Variants in ASB15 observed in about 807,000 individuals in gnomAD.
ASB15 encodes ankyrin repeat and SOCS box protein 15.
Under a neutral mutation model 58.0 loss-of-function variants are expected in ASB15, and 54 were observed. The observed-to-expected ratio is 0.93, with a 90% CI of 0.75 to 1.17. ASB15 has a LOEUF of 1.17. Among genes scored for constraint, ASB15 ranks in the 50% most tolerant of loss-of-function variants. The probability of loss-of-function intolerance (pLI) is 0.00; values close to 1 mark genes in which losing one functional copy is unlikely to be tolerated. For synonymous variants in ASB15, 249 were observed against 262.4 expected (o/e 0.95, Z 0.50); for missense variants, 680 against 707.4 (o/e 0.96, Z 0.44).
intron 8 of ASB15, 79 bp downstream of exon 8, chr7:123,624,893 C>T: frequency 1.4e-6 from 2 of 1,466,628 alleles, no homozygotes. Context: ...CACTCTTCCT[C>T]ACCTGAATGT....
rs568880807 is a variant in ASB15 at position 123,638,479 on chromosome 7, T to A, written c.*1498T>A. The A allele has an allele frequency of 3.0e-4, 46 of 152,284 alleles. No homozygotes were observed. The highest frequency in any genetic ancestry group is 2.3e-3 in the South Asian group (11 of 4,822). 9.4% of individuals were successfully genotyped at this position (152,284 alleles called of 1,614,324 possible). ...ACCATCTACTATCACCATCATTTCA[T>A]AAAAGAGGGGTCATTTTAATGCCAG... is the stretch of plus-strand genomic sequence containing the variant. On this transcript the variant is annotated 3_prime_UTR_variant, in exon 12 of 12. Coordinates refer to ENST00000451215, the MANE Select transcript of ASB15 (RefSeq NM_001290258.2).
intron 3 of ASB15, among the ~76,000 whole-genome samples, chr7:123,611,866 G>C (rs1800483679): frequency 6.6e-6 from 1 of 151,980 alleles, no homozygotes; most frequent in Non-Finnish European, 1.5e-5. Context: ...ACCTGTGCTA[G>C]ATTGGCGTTG....
intron 1 of ASB15, among the ~76,000 whole-genome samples, chr7:123,594,315 TC>T (rs1799632017): frequency 6.6e-6 from 1 of 152,142 alleles, no homozygotes; most frequent in Non-Finnish European, 1.5e-5. Flanking sequence ...CCAGTTTTGT[TC>T]CCTTGCTGGC....
intron 11 of ASB15, among the ~76,000 whole-genome samples, chr7:123,635,533 A>G (rs1366815501): frequency 6.7e-6 from 1 of 149,412 alleles, no homozygotes; most frequent in African/African-American, 2.5e-5. Context: ...ATACCATTAT[A>G]CTTCCTGTCA....
At chr7:123,615,003 A>G (rs191095512) in intron 4 of ASB15, among the ~76,000 whole-genome samples, 13 of 152,334 alleles carry the variant, frequency 8.5e-5, no homozygotes, top group Non-Finnish European at 1.3e-4. Context: ...CTACTGATAC[A>G]GCTAACCCTT....
intron 1 of ASB15, among the ~76,000 whole-genome samples, chr7:123,588,879 AT>A (rs917638026): frequency 2.7e-5 from 4 of 148,924 alleles, no homozygotes; most frequent in Admixed American, 2.0e-4. Flanking sequence ...TAATTTTCCC[AT>A]TTTTTTTCTA....
chr7:123,606,664 A>G (rs1377466698), intron 2 of ASB15, among the ~76,000 whole-genome samples: 1 of 152,058 alleles, frequency 6.6e-6, no homozygotes, highest in Non-Finnish European at 1.5e-5. Context: ...TCTTTTTTCT[A>G]TGACTTCAAC....
rs1251909002 is a variant in ASB15, at chr7:123,612,276, G to A, written c.-2-2225G>A. The A allele has an allele frequency of 2.0e-5, 3 of 152,102 alleles. No individual in the cohort carries two copies. The East Asian group carries it at 5.8e-4, about 29-fold the overall frequency. 9.4% of individuals were successfully genotyped at this position (152,102 alleles called of 1,614,324 possible). A position where few individuals can be genotyped will look rare whatever the true frequency, so the allele number is the denominator to read the frequency against. On this transcript the variant is annotated intron_variant, in intron 3 of 11. Transcript: ENST00000451215. ...AATGAGTCAACAACTTTTATTCCAG[G>A]GACCACTGACAGCAGCTGTTTGCAA... is the stretch of plus-strand genomic sequence containing the variant.
intron 1 of ASB15, among the ~76,000 whole-genome samples, chr7:123,578,236 A>C (rs1482117146): frequency 6.6e-6 from 1 of 150,672 alleles, no homozygotes. Flanking sequence ...CTACCTGCTG[A>C]TATTTTGTAT....
At chr7:123,609,766 A>C (rs1057233470) in intron 3 of ASB15, among the ~76,000 whole-genome samples, 1 of 152,232 alleles carries the variant, frequency 6.6e-6, no homozygotes, top group Non-Finnish European at 1.5e-5. Context: ...GACAGGTGTC[A>C]AAAATTTATC....
intron 8 of ASB15, 49 bp downstream of exon 8, chr7:123,624,863 C>T: frequency 6.5e-7 from 1 of 1,548,274 alleles, no homozygotes; most frequent in African/African-American, 1.4e-5. Context: ...GCCTCTCGAA[C>T]TCTCCTTTTC....
rs1364128126 is a variant in ASB15, at chr7:123,639,089, G to T, written c.*2108G>T. On this transcript the variant is annotated 3_prime_UTR_variant, in exon 12 of 12. Transcript: ENST00000451215. ...TAATTATTTAATGCTATTATTCTTAGATTTTAATAGTGTATTTTTCTTATA... is the reference window on the plus strand; with the variant it reads ...TAATTATTTAATGCTATTATTCTTATATTTTAATAGTGTATTTTTCTTATA... 6.6e-6 allele frequency: 1 copy of T among 151,402 alleles called. No homozygotes were observed. Among genetic ancestry groups the T allele is most frequent in the Non-Finnish European group, 1.5e-5 (1 of 67,506 alleles). 9.4% of individuals were successfully genotyped at this position (151,402 alleles called of 1,614,324 possible). A position where few individuals can be genotyped will look rare whatever the true frequency, so the allele number is the denominator to read the frequency against.
At chr7:123,576,302 G>T (rs1234438450) in intron 1 of ASB15, among the ~76,000 whole-genome samples, 3 of 151,310 alleles carry the variant, frequency 2.0e-5, no homozygotes, top group Admixed American at 2.0e-4. Flanking sequence ...TTTTGCATTT[G>T]TACTTTTTAC....
At chr7:123,593,358 T>C (rs1381532952) in intron 1 of ASB15, among the ~76,000 whole-genome samples, 1 of 152,178 alleles carries the variant, frequency 6.6e-6, no homozygotes, top group African/African-American at 2.4e-5. Context: ...TGCAGTTTCT[T>C]CACAGCCTCG....
At chr7:123,598,348 T>C (rs1799766216), upstream of ASB15, among the ~76,000 whole-genome samples, 1 of 152,176 alleles carries the variant, frequency 6.6e-6, no homozygotes, top group Non-Finnish European at 1.5e-5. Flanking sequence ...AGTATAAACC[T>C]TTAGATATCT....
chr7:123,602,262 T>C (rs577065705), intron 1 of ASB15, among the ~76,000 whole-genome samples: 1 of 152,240 alleles, frequency 6.6e-6, no homozygotes, highest in African/African-American at 2.4e-5. Context: ...ATAAAAAAAA[T>C]TAAATAATTT....
chr7:123,620,548 A>T (rs1562933348), intron 7 of ASB15, among the ~76,000 whole-genome samples: 3 of 19,664 alleles, frequency 1.5e-4, no homozygotes, highest in Admixed American at 6.6e-4. Flanking sequence ...ATATATATAT[A>T]TATATATTTT....
At chr7:123,606,072 C>A (rs908158199) in intron 2 of ASB15, among the ~76,000 whole-genome samples, 1 of 152,040 alleles carries the variant, frequency 6.6e-6, no homozygotes. Context: ...GTAGTCAAAA[C>A]GTTTTTTACT....
chr7:123,616,026 C>G (rs1292333093), intron 4 of ASB15, among the ~76,000 whole-genome samples, 195 bp from the exon 5 acceptor site: 2 of 152,034 alleles, frequency 1.3e-5, no homozygotes, highest in African/African-American at 4.8e-5. Context: ...ATTCTTAGAT[C>G]AATGCATCAT....
Sources: allele counts gnomAD v4.1 joint callset (sites outside exome capture counted in the v4.1 genomes callset), GRCh38; gene constraint gnomAD v4.1.1; transcripts MANE v1.5; gene names NCBI Gene and HGNC (gene_info 2026-07-23, HGNC 2026-07-21).